Variants in SHKBP1 observed in about 807,000 individuals in gnomAD.
SHKBP1 encodes the protein SH3KBP1 binding protein 1, also known as SH3KBP1-binding protein 1.
In SHKBP1, 71 loss-of-function variants were observed where a neutral mutation model predicts 83.9. The ratio of observed to expected loss-of-function variants is 0.85; its 90% CI spans 0.70 to 1.03. The LOEUF (loss-of-function observed/expected upper bound fraction) is 1.03. Among genes scored for constraint, SHKBP1 ranks in the 50% least tolerant of loss-of-function variants. SHKBP1 has a pLI of 0.00. For synonymous variants in SHKBP1, 371 were observed against 398.0 expected, an observed-to-expected ratio of 0.93 and a Z score of 0.81; for missense variants, 824 against 982.4, an observed-to-expected ratio of 0.84 and a Z score of 2.16.
rs904594901 is a variant in SHKBP1, at chr19:40,586,633, A to T, written c.1166-141A>T. ...CCACCCGCCTCAGCTTCCCAAAGTG[A>T]TGGGATTACGGCGTGAGCCACCGTG... On this transcript the variant is annotated intron_variant, in intron 12 of 17. Transcript: ENST00000291842. 19 of 797,746 alleles carry T rather than the reference A, an allele frequency of 2.4e-5. No individual in the cohort carries two copies. The African/African-American group carries it at 3.2e-4, about 14-fold the overall frequency. The allele number at this position is 797,746 out of a possible 1,614,324, so 49.4% of individuals were successfully genotyped here.
rs1447950891 is a variant in SHKBP1, at chr19:40,590,685, T to C, written c.1769-45T>C. 3 of 1,539,182 alleles carry C rather than the reference T, an allele frequency of 1.9e-6. No homozygotes were observed. Among genetic ancestry groups the C allele is most frequent in the Non-Finnish European group, 2.6e-6 (3 of 1,140,634 alleles). On this transcript the variant is annotated intron_variant, in intron 16 of 17. Transcript: ENST00000291842. This position sits in a 1 kb window ranked among gnomAD's most constrained non-coding sequence, Gnocchi z 4.6. ...TGCAATGCAACCCAGGCCCTTGCCC[T>C]ATGACCCCTGTCTTGCCCCCTGACC... is the stretch of plus-strand genomic sequence containing the variant.
chr19:40,578,517 C>T lies in SHKBP1; in HGVS notation c.375C>T (p.Leu125=). ...ATCGATCTTCTTGTGGAAACGTCCTCTTCAATGGTTACCTGCCGCCACCAG... is the reference window on the plus strand; with the variant it reads ...ATCGATCTTCTTGTGGAAACGTCCTTTTCAATGGTTACCTGCCGCCACCAG... The part of the protein sequence containing the change: ...ELDRSSCGNV[L]FNGYLPPPVF... Residue 125 remains leucine, a synonymous_variant, in exon 6 of 18, where the codon CTC becomes CTT. Coordinates refer to ENST00000291842, the MANE Select transcript of SHKBP1 (RefSeq NM_138392.4). 2 of 1,614,120 alleles carry T rather than the reference C, an allele frequency of 1.2e-6. No individual in the cohort carries two copies. Among genetic ancestry groups the T allele is most frequent in the African/African-American group, 1.3e-5 (1 of 75,024 alleles).
At chr19:40,582,505 T>C (rs2081277942) in intron 10 of SHKBP1, 39 bp downstream of exon 10, 4 of 1,576,562 alleles carry the variant, frequency 2.5e-6, no homozygotes, top group Non-Finnish European at 3.5e-6. Context: ...CCTTCCCAGT[T>C]TTCCAGACTG....
At chr19:40,581,532 A>AC (rs57544864) in intron 9 of SHKBP1, among the ~76,000 whole-genome samples, 48,141 of 146,834 alleles carry the variant, frequency 0.33, 8,071 homozygotes, top group African/African-American at 0.41. Flanking sequence ...TCAAAAAAAA[A>AC]AAAAAAACAA....
chr19:40,590,360 C>A lies in SHKBP1; in HGVS notation c.1706C>A (p.Ala569Asp). The A allele has an allele frequency of 6.2e-7, 1 of 1,612,106 alleles. No individual in the cohort carries two copies. The highest frequency in any genetic ancestry group is 2.2e-5 in the East Asian group (1 of 44,806). ...CGGCGCTACCTGCTCACTGGCCAGG[C>A]CAACGGCAGCTTGGCCATGTGGGAC... is the stretch of plus-strand genomic sequence containing the variant. ...RPRRYLLTGQANGSLAMWDLT... is the reference protein window; with the variant it reads ...RPRRYLLTGQDNGSLAMWDLT... The change falls in exon 16 of 18, where the codon GCC becomes GAC. Residue 569 changes from alanine (A) to aspartate (D), a missense_variant. Ala to Asp is a moderately radical substitution (Grantham distance 126). Transcript: ENST00000291842. The surrounding 1 kb of genome is among the most constrained non-coding windows in gnomAD (Gnocchi z 4.6).
Position 40,577,594 on chromosome 19 carries a change from T to A in SHKBP1, c.224T>A (p.Ile75Asn). Reference sequence around the variant, plus strand: ...AGGGACCCTACAGTCTTCGCCCCCATCCTCAACTTCCTGCGCACCAAAGAG... The same window carrying A: ...AGGGACCCTACAGTCTTCGCCCCCAACCTCAACTTCCTGCGCACCAAAGAG... ...IDRDPTVFAP[I>N]LNFLRTKELD... is the part of the protein sequence containing the mutation. Residue 75 changes from isoleucine (I) to asparagine (N), a missense_variant, in exon 4 of 18, where the codon ATC becomes AAC. Physicochemically the swap from Ile to Asn is moderately radical, Grantham distance 149. Transcript: ENST00000291842. 6.2e-7 allele frequency: 1 copy of A among 1,613,942 alleles called. No homozygotes were observed. The highest frequency in any genetic ancestry group is 8.5e-7 in the Non-Finnish European group (1 of 1,179,990).
rs757076421 is a variant in SHKBP1, at chr19:40,580,582, G to A, written c.579G>A (p.Pro193=). 59 of 1,614,042 alleles carry A rather than the reference G, an allele frequency of 3.7e-5. No individual in the cohort carries two copies. Among genetic ancestry groups the A allele is most frequent in the Non-Finnish European group, 4.7e-5 (55 of 1,180,048 alleles). The change falls in exon 8 of 18, where the codon CCG becomes CCA. Residue 193 remains proline (P), a synonymous_variant. Transcript: ENST00000291842. Reference sequence around the variant, plus strand: ...CCCCTCAAGGACAACCTGAGGAGCCGGGGATGGTGCGCCTGGTGTGTGGAC... The same window carrying A: ...CCCCTCAAGGACAACCTGAGGAGCCAGGGATGGTGCGCCTGGTGTGTGGAC... The part of the protein sequence containing the change: ...PPSPSGQPEE[P]GMVRLVCGHH...
At chr19:40,587,734 C>G (rs929773632) in intron 13 of SHKBP1, among the ~76,000 whole-genome samples, 1 of 152,070 alleles carries the variant, frequency 6.6e-6, no homozygotes, top group Admixed American at 6.6e-5. Context: ...GACATTGTTT[C>G]TACAAAAAAT....
intron 10 of SHKBP1, among the ~76,000 whole-genome samples, chr19:40,582,706 G>A (rs796337272): frequency 3.0e-4 from 46 of 152,220 alleles, no homozygotes; most frequent in African/African-American, 1.0e-3. Flanking sequence ...AAGGAGTAGG[G>A]AGGATTGTCT....
At chr19:40,578,573 G>A (rs769894114) in intron 6 of SHKBP1, 31 bp downstream of exon 6, 457 of 1,597,652 alleles carry the variant, frequency 2.9e-4, no homozygotes, top group Non-Finnish European at 3.5e-4. Context: ...GGAGGGGCGC[G>A]GAGGTGGGCC....
chr19:40,584,586 T>C (rs1232552535), intron 12 of SHKBP1, among the ~76,000 whole-genome samples: 2 of 152,234 alleles, frequency 1.3e-5, no homozygotes, highest in African/African-American at 4.8e-5. Context: ...TAACTCCACA[T>C]TTCTCACTTC....
In SHKBP1 at chr19:40,591,302, G is replaced by A; in HGVS notation, c.*95G>A. ...TGGGAACCCCGGGTTCAGGGCCAGG[G>A]CCTCCTTGGAATAAATGGTTATTGT... On this transcript the variant is annotated 3_prime_UTR_variant, in exon 18 of 18. Transcript: ENST00000291842. The A allele has an allele frequency of 9.1e-7, 1 of 1,100,888 alleles. No homozygotes were observed. The highest frequency in any genetic ancestry group is 1.3e-6 in the Non-Finnish European group (1 of 784,732). 68.2% of individuals were successfully genotyped at this position (1,100,888 alleles called of 1,614,324 possible). A position where few individuals can be genotyped will look rare whatever the true frequency, so the allele number is the denominator to read the frequency against.
rs2081257851 is a variant in SHKBP1 at position 40,580,374 on chromosome 19, C to G, written c.451C>G (p.Leu151Val). ...GCACAGCCTAGTGGGGCCTCAGCAG[C>G]TAGGAGGACGGCCAGCCCCTGTCCG... ...NRHSLVGPQQ[L>V]GGRPAPVRRS... The change falls in exon 7 of 18, where the codon CTA (leucine) becomes GTA (valine). Residue 151 changes from leucine (L) to valine (V), a missense_variant. Physicochemically the swap from Leu to Val is conservative, Grantham distance 32. This residue lies in a region of SHKBP1 where 355 missense variants were observed against 386.4 expected (regional missense o/e 0.92). Coordinates refer to ENST00000291842, the MANE Select transcript of SHKBP1 (RefSeq NM_138392.4). 6.2e-7 allele frequency: 1 copy of G among 1,614,218 alleles called. No individual in the cohort carries two copies.
intron 14 of SHKBP1, 104 bp from the exon 15 acceptor site, chr19:40,588,978 G>T: frequency 7.5e-7 from 1 of 1,338,914 alleles, no homozygotes. Context: ...AACAACCTGG[G>T]GATGGGACTG....
chr19:40,577,093 C>A (rs929868108), intron 1 of SHKBP1, 108 bp downstream of exon 1: 3 of 1,348,302 alleles, frequency 2.2e-6, no homozygotes, highest in South Asian at 2.7e-5. Context: ...CTCCGCCCCC[C>A]CCCCCTTTGG....
chr19:40,590,219 C>A lies in SHKBP1; in HGVS notation c.1590-25C>A. The A allele has an allele frequency of 6.5e-7, 1 of 1,532,796 alleles. No homozygotes were observed. Among genetic ancestry groups the A allele is most frequent in the Non-Finnish European group, 8.8e-7 (1 of 1,138,828 alleles). 94.9% of individuals were successfully genotyped at this position (1,532,796 alleles called of 1,614,324 possible). A position where few individuals can be genotyped will look rare whatever the true frequency, so the allele number is the denominator to read the frequency against. On this transcript the variant is annotated intron_variant, in intron 15 of 17. Transcript: ENST00000291842. The surrounding 1 kb of genome is among the most constrained non-coding windows in gnomAD (Gnocchi z 4.6). ...AGGAAGGGTGAGAAAGCGAGGGTGA[C>A]CACCTCCCCCACTGCACCCCCCAGG... is the stretch of plus-strand genomic sequence containing the variant.
Position 40,586,764 on chromosome 19 carries a change from C to G in SHKBP1, c.1166-10C>G, listed in dbSNP as rs1291078348. On this transcript the variant is annotated splice_polypyrimidine_tract_variant and intron_variant, in intron 12 of 17. Coordinates refer to ENST00000291842, the MANE Select transcript of SHKBP1 (RefSeq NM_138392.4). The stretch of plus-strand genomic sequence containing the variant: ...CCCAGGCCCTCTCCTCATCCTTGGC[C>G]CCTCACCAGGTGACAGTGGGAACTG... 6.4e-7 allele frequency: 1 copy of G among 1,565,078 alleles called. No homozygotes were observed. The highest frequency in any genetic ancestry group is 2.3e-5 in the East Asian group (1 of 42,580).
chr19:40,591,273 C>T lies in SHKBP1; in HGVS notation c.*66C>T. 1 of 1,395,328 alleles carries T rather than the reference C, an allele frequency of 7.2e-7. No homozygotes were observed. The highest frequency in any genetic ancestry group is 1.5e-5 in the South Asian group (1 of 66,298). 86.4% of individuals were successfully genotyped at this position (1,395,328 alleles called of 1,614,324 possible). A position where few individuals can be genotyped will look rare whatever the true frequency, so the allele number is the denominator to read the frequency against. On this transcript the variant is annotated 3_prime_UTR_variant, in exon 18 of 18. Coordinates refer to ENST00000291842, the MANE Select transcript of SHKBP1 (RefSeq NM_138392.4). ...GGGGGACTCAGGTGCCTCCCTGATT[C>T]CTGTGGGAACCCCGGGTTCAGGGCC...
intron 15 of SHKBP1, 26 bp downstream of exon 15, chr19:40,589,204 AGGGAGGACAGTCCTGTCCAACAGGG>A: frequency 1.8e-6 from 1 of 542,132 alleles, no homozygotes; most frequent in Non-Finnish European, 2.4e-6. Context: ...TCCAACAGGG[AGGGAGGACAGTCCTGTCCAACAGGG>A]AGGGAGGTCA....
Sources: gnomAD v4.1 joint callset for allele counts (sites outside exome capture counted in the v4.1 genomes callset) on GRCh38, gnomAD v4.1.1 for gene constraint, gnomAD v4.1.1 regional missense constraint, Gnocchi (gnomAD v3.1) non-coding constraint, MANE v1.5 for transcripts, NCBI Gene and HGNC (gene_info 2026-07-23, HGNC 2026-07-21) for gene names.